Variants in UBA6 observed in about 807,000 individuals in gnomAD.
UBA6 encodes ubiquitin like modifier activating enzyme 6.
UBA6 carries 87 observed loss-of-function variants against 148.3 expected under a neutral mutation model. The ratio of observed to expected loss-of-function variants is 0.59; its 90% CI spans 0.49 to 0.70. The LOEUF (loss-of-function observed/expected upper bound fraction) is 0.70, where lower values mean the gene tolerates loss of function less well. UBA6 is among the 30% of genes least tolerant of loss of function. UBA6 has a pLI of 0.00. For synonymous variants in UBA6, 376 were observed against 401.0 expected, an observed-to-expected ratio of 0.94 and a Z score of 0.75; for missense variants, 1,186 against 1,241.2, an observed-to-expected ratio of 0.96 and a Z score of 0.67.
At chr4:67,643,167 C>A (rs907792375) in intron 17 of UBA6, among the ~76,000 whole-genome samples, 1 of 151,724 alleles carries the variant, frequency 6.6e-6, no homozygotes, top group Admixed American at 6.6e-5. Flanking sequence ...CTAACCTGCA[C>A]ATTGTGCACA....
At position 67,700,748 on chromosome 4, in the gene UBA6, C is replaced by G. The variant is rs1410419059; in HGVS notation, c.71+301G>C. Among the ~76,000 whole-genome samples, 3 of 152,286 alleles carry G rather than the reference C, an allele frequency of 2.0e-5. No homozygotes were observed. In the East Asian group the frequency reaches 5.8e-4, roughly 29 times the overall value. ...CAAGTGACCGAGACCAGAACTCGCT[C>G]TCGACCGGAGCCCCCCAAGTCTGGT... On this transcript the variant is annotated intron_variant, in intron 1 of 32. Coordinates refer to ENST00000322244, the MANE Select transcript of UBA6 (RefSeq NM_018227.6).
chr4:67,694,172 C>A (rs1240949047), intron 2 of UBA6, among the ~76,000 whole-genome samples: 1 of 126,462 alleles, frequency 7.9e-6, no homozygotes, highest in South Asian at 2.8e-4. Context: ...GCCGAGATCG[C>A]GCCACTGCAC....
Position 67,641,222 on chromosome 4 carries a change from C to T in UBA6, c.1483G>A (p.Val495Ile). Residue 495 changes from valine to isoleucine, a missense_variant, in exon 18 of 33, where the codon GTT becomes ATT. Transcript: ENST00000322244. The stretch of plus-strand genomic sequence containing the variant: ...TTCTCTATCAAGTCAGGATCTGTAA[C>T]TGTAATCTAATATCAAGAAAATATG... ...GTSKEKGMIT[V>I]TDPDLIEKSN... The T allele has an allele frequency of 1.3e-6, 2 of 1,576,432 alleles. No individual in the cohort carries two copies. The highest frequency in any genetic ancestry group is 2.3e-5 in the East Asian group (1 of 44,046).
Position 67,633,338 on chromosome 4 carries a change from T to A in UBA6, c.2142+7A>T. The A allele has an allele frequency of 7.6e-6, 12 of 1,586,644 alleles. No individual in the cohort carries two copies. Among genetic ancestry groups the A allele is most frequent in the Non-Finnish European group, 1.0e-5 (12 of 1,172,086 alleles). ...CCTTTTCTTAATGTCTCACAATGCA[T>A]ACTTACCTTATGGTTAAAATATTTT... On this transcript the variant is annotated splice_region_variant and intron_variant, in intron 23 of 32. Coordinates refer to ENST00000322244, the MANE Select transcript of UBA6 (RefSeq NM_018227.6).
chr4:67,696,845 T>A, intron 1 of UBA6, 138 bp from the exon 2 acceptor site: 1 of 625,906 alleles, frequency 1.6e-6, no homozygotes, highest in Non-Finnish European at 2.8e-6. Flanking sequence ...TTACTTATAT[T>A]TTTTAAATGG....
At position 67,654,129 on chromosome 4, in the gene UBA6, A is replaced by G. The variant is rs551736021; in HGVS notation, c.1105-4918T>C. On this transcript the variant is annotated intron_variant, in intron 13 of 32. Coordinates refer to ENST00000322244, the MANE Select transcript of UBA6 (RefSeq NM_018227.6). The stretch of plus-strand genomic sequence containing the variant: ...AAACACTCTTCAGGGTATTATCCAG[A>G]AGAACTTCTCCAACCTAGCAAGGCA... Among the ~76,000 whole-genome samples, 3 of 152,306 alleles carry G rather than the reference A, an allele frequency of 2.0e-5. No homozygotes were observed. In the East Asian group the frequency reaches 5.8e-4, roughly 29 times the overall value.
In UBA6 at chr4:67,675,970, T is replaced by A. The variant is rs1730269272; in HGVS notation, c.465+1641A>T. On this transcript the variant is annotated intron_variant, in intron 6 of 32. Coordinates refer to ENST00000322244, the MANE Select transcript of UBA6 (RefSeq NM_018227.6). The stretch of plus-strand genomic sequence containing the variant: ...TTTCTCTAGATTTGTTTAATTTTGT[T>A]TTTGTCTGGCACTTTAGGGTATGGC... Among the ~76,000 whole-genome samples, 3 of 152,012 alleles carry A rather than the reference T, an allele frequency of 2.0e-5. No homozygotes were observed. The South Asian group carries it at 6.2e-4, about 32-fold the overall frequency.
chr4:67,634,515 C>T lies in UBA6; in HGVS notation c.1846G>A (p.Asp616Asn). The change falls in exon 21 of 33, where the codon GAT becomes AAT. Residue 616 changes from aspartate to asparagine, a missense_variant. Coordinates refer to ENST00000322244, the MANE Select transcript of UBA6 (RefSeq NM_018227.6). ...AATGGTATTTCCTCTTCTGGGGGAT[C>T]CCGCTAATTTATAAAATATGACAAC... ...HLTESYNSHR[D>N]PPEEEIPFCT... The T allele has an allele frequency of 6.4e-7, 1 of 1,556,768 alleles. No individual in the cohort carries two copies. The highest frequency in any genetic ancestry group is 8.6e-7 in the Non-Finnish European group (1 of 1,160,592).
chr4:67,649,008 A>T, intron 14 of UBA6, 60 bp downstream of exon 14: 4 of 1,542,972 alleles, frequency 2.6e-6, no homozygotes, highest in Non-Finnish European at 3.5e-6. Flanking sequence ...ACTACATTAT[A>T]ATATGTAACA....
At chr4:67,648,396 A>C (rs1433335378) in intron 14 of UBA6, among the ~76,000 whole-genome samples, 9 of 151,112 alleles carry the variant, frequency 6.0e-5, no homozygotes. Flanking sequence ...TGAACCCGGC[A>C]GACAGAGGTT....
At chr4:67,649,000 T>C in intron 14 of UBA6, 68 bp downstream of exon 14, 1 of 1,496,946 alleles carries the variant, frequency 6.7e-7, no homozygotes, top group Non-Finnish European at 9.0e-7. Flanking sequence ...ATATTAATAC[T>C]ACATTATAAT....
chr4:67,674,398 T>C (rs1008204182), intron 6 of UBA6, among the ~76,000 whole-genome samples: 1 of 152,172 alleles, frequency 6.6e-6, no homozygotes, highest in African/African-American at 2.4e-5. Context: ...AGGTAAGGTC[T>C]TCCTCAGGGA....
At chr4:67,671,115 TAAAC>T (rs892287824) in intron 7 of UBA6, among the ~76,000 whole-genome samples, 4 of 152,150 alleles carry the variant, frequency 2.6e-5, no homozygotes, top group African/African-American at 7.2e-5. Flanking sequence ...ATTAAGTTCT[TAAAC>T]AAATCATAAA....
intron 13 of UBA6, among the ~76,000 whole-genome samples, chr4:67,659,449 A>C (rs1227065321): frequency 6.6e-6 from 1 of 152,004 alleles, no homozygotes; most frequent in African/African-American, 2.4e-5. Context: ...AGCGTCTGGT[A>C]GATCCCCTGC....
At position 67,644,773 on chromosome 4, in the gene UBA6, C is replaced by T; in HGVS notation, c.1401G>A (p.Gly467=). The change falls in exon 17 of 33, where the codon GGG becomes GGA. Residue 467 remains glycine, a synonymous_variant. Coordinates refer to ENST00000322244, the MANE Select transcript of UBA6 (RefSeq NM_018227.6). The part of the protein sequence containing the change: ...KLQNLNIFLV[G]CGAIGCEMLK... ...ACATTTCACAGCCTATGGCTCCACA[C>T]CCTACCTATGGAGGAGAAAAATGGT... 3.1e-6 allele frequency: 5 copies of T among 1,598,346 alleles called. No individual in the cohort carries two copies. The highest frequency in any genetic ancestry group is 4.3e-6 in the Non-Finnish European group (5 of 1,166,084).
In UBA6 at chr4:67,613,130, C is replaced by T. The variant is rs1728568522; in HGVS notation, c.*5867G>A. ...TTACCACAGTCTGTGGCTCAGCTTT[C>T]AGTCACCTAGGTGACCTGGAAAATT... On this transcript the variant is annotated 3_prime_UTR_variant, in exon 33 of 33. Coordinates refer to ENST00000322244, the MANE Select transcript of UBA6 (RefSeq NM_018227.6). 1 of 152,206 alleles carries T rather than the reference C, an allele frequency of 6.6e-6. No individual in the cohort carries two copies. Among genetic ancestry groups the T allele is most frequent in the Non-Finnish European group, 1.5e-5 (1 of 68,042 alleles). The allele number at this position is 152,206 out of a possible 1,614,324, so 9.4% of individuals were successfully genotyped here.
chr4:67,629,971 T>C (rs962648284), intron 26 of UBA6, among the ~76,000 whole-genome samples: 2 of 152,070 alleles, frequency 1.3e-5, no homozygotes, highest in Non-Finnish European at 2.9e-5. Context: ...TCTTTAGATG[T>C]TAGTCAATGA....
intron 2 of UBA6, among the ~76,000 whole-genome samples, chr4:67,694,215 C>CAAAAAAAAAAAAAAAAAAAAAA (rs769649769): frequency 2.4e-5 from 1 of 41,854 alleles, no homozygotes; most frequent in Non-Finnish European, 4.0e-5. Context: ...GACTCCATCT[C>CAAAAAAAAAAAAAAAAAAAAAA]AAAAAAAAAA....
rs1470611515 is a variant in UBA6 at position 67,700,899 on chromosome 4, A to G, written c.71+150T>C. ...GGCCCTAGCCCACGTCGCCACACCC[A>G]CTCCGCGCGCGCCCCTCGCCTCCCA... On this transcript the variant is annotated intron_variant, in intron 1 of 32. Coordinates refer to ENST00000322244, the MANE Select transcript of UBA6 (RefSeq NM_018227.6). The G allele has an allele frequency of 4.5e-6, 4 of 880,194 alleles. No homozygotes were observed. The African/African-American group carries it at 6.9e-5, about 15-fold the overall frequency. 54.5% of individuals were successfully genotyped at this position (880,194 alleles called of 1,614,324 possible). A position where few individuals can be genotyped will look rare whatever the true frequency, so the allele number is the denominator to read the frequency against.
Sources: gnomAD v4.1 joint callset for allele counts (sites outside exome capture counted in the v4.1 genomes callset) on GRCh38, gnomAD v4.1.1 for gene constraint, MANE v1.5 for transcripts, NCBI Gene and HGNC (gene_info 2026-07-23, HGNC 2026-07-21) for gene names.